Variants in RPGRIP1 observed in about 807,000 individuals in gnomAD.
The protein encoded by RPGRIP1 is X-linked retinitis pigmentosa GTPase regulator-interacting protein 1.
RPGRIP1 carries 128 observed loss-of-function variants against 157.9 expected under a neutral mutation model. The observed-to-expected ratio is 0.81, with a 90% CI of 0.70 to 0.94. RPGRIP1 has a LOEUF of 0.94. RPGRIP1 is among the 40% of genes least tolerant of loss of function. The pLI, the probability that RPGRIP1 is intolerant of heterozygous loss-of-function variation, is 0.00. For synonymous variants in RPGRIP1, 554 were observed against 571.6 expected (o/e 0.97, Z 0.44); for missense variants, 1,486 against 1,545.8 (o/e 0.96, Z 0.65).
intron 17 of RPGRIP1, among the ~76,000 whole-genome samples, chr14:21,326,788 C>G (rs1883161683): frequency 6.6e-6 from 1 of 152,184 alleles, no homozygotes; most frequent in Admixed American, 6.5e-5. Context: ...TAACACTCCC[C>G]CATCATTCTC....
intron 22 of RPGRIP1, among the ~76,000 whole-genome samples, chr14:21,344,565 A>G (rs1018571891): frequency 3.3e-5 from 5 of 152,200 alleles, no homozygotes; most frequent in African/African-American, 1.2e-4. Context: ...AGGGCATATC[A>G]CAAGTGAAAA....
In RPGRIP1 at chr14:21,334,638, G is replaced by C. The variant is rs2139288249; in HGVS notation, c.3272G>C (p.Ser1091Thr). Residue 1091 changes from serine to threonine, a missense_variant, in exon 21 of 25, where the codon AGT becomes ACT. By Grantham distance (58) the Ser-to-Thr change is moderately conservative. Coordinates refer to ENST00000400017, the MANE Select transcript of RPGRIP1 (RefSeq NM_020366.4). ...KESSEQGSEV[S>T]EAQTTDSDDV... Reference sequence around the variant, plus strand: ...TCCTCTGAACAAGGTTCTGAAGTCAGTGAAGCACAAACTACCGACAGTGAT... The same window carrying C: ...TCCTCTGAACAAGGTTCTGAAGTCACTGAAGCACAAACTACCGACAGTGAT... 1 of 1,609,478 alleles carries C rather than the reference G, an allele frequency of 6.2e-7. No homozygotes were observed. Among genetic ancestry groups the C allele is most frequent in the Non-Finnish European group, 8.5e-7 (1 of 1,178,374 alleles).
At chr14:21,303,944 C>T (rs61376219) in intron 6 of RPGRIP1, among the ~76,000 whole-genome samples, 5,933 of 150,096 alleles carry the variant, frequency 0.04, 243 homozygotes, top group East Asian at 0.25. Flanking sequence ...GCTGAGATAA[C>T]GCCATTGCAC....
chr14:21,315,323 C>T (rs1021554870), intron 10 of RPGRIP1, among the ~76,000 whole-genome samples: 4 of 151,392 alleles, frequency 2.6e-5, no homozygotes, highest in African/African-American at 4.9e-5. Context: ...CTGGCTAACA[C>T]GGTGAAACCC....
chr14:21,319,430 C>T (rs1594197430), intron 11 of RPGRIP1, among the ~76,000 whole-genome samples: 1 of 152,114 alleles, frequency 6.6e-6, no homozygotes, highest in Non-Finnish European at 1.5e-5. Context: ...GTCGTAGTGT[C>T]GTGCGCCTGT....
intron 8 of RPGRIP1, chr14:21,310,973 A>G (rs972168375): frequency 1.1e-4 from 55 of 522,720 alleles, no homozygotes; most frequent in Non-Finnish European, 1.6e-4. Context: ...ATGGTCTTAA[A>G]TATTTGGCCC....
chr14:21,333,122 C>T (rs1189966879), intron 20 of RPGRIP1, among the ~76,000 whole-genome samples: 2 of 152,144 alleles, frequency 1.3e-5, no homozygotes, highest in East Asian at 1.9e-4. Flanking sequence ...AAAACAAAAA[C>T]CTCAAAAGCA....
At chr14:21,286,811 T>C (rs1880315114) in intron 1 of RPGRIP1, among the ~76,000 whole-genome samples, 1 of 151,900 alleles carries the variant, frequency 6.6e-6, no homozygotes, top group South Asian at 2.1e-4. Context: ...TGTACAAATC[T>C]GAAGCTGGAG....
chr14:21,348,431 CT>C, intron 24 of RPGRIP1, 129 bp downstream of exon 24: 2 of 705,740 alleles, frequency 2.8e-6, no homozygotes, highest in Non-Finnish European at 4.4e-6. Flanking sequence ...AATCTTATCC[CT>C]ACAACTGTAT....
At chr14:21,305,780 G>A (rs966344588) in intron 6 of RPGRIP1, among the ~76,000 whole-genome samples, 1 of 152,122 alleles carries the variant, frequency 6.6e-6, no homozygotes, top group Admixed American at 6.6e-5. Flanking sequence ...CGAATAGCTT[G>A]AACCCGAGAG....
In RPGRIP1 at chr14:21,301,244, T is replaced by C; in HGVS notation, c.490+7T>C. ...CCGGAGAAACCCAAGAGGGGTGAGA[T>C]TTAAGGCTACATCCCCTACAGGGCT... On this transcript the variant is annotated splice_region_variant and intron_variant, in intron 4 of 24. Coordinates refer to ENST00000400017, the MANE Select transcript of RPGRIP1 (RefSeq NM_020366.4). 1.9e-6 allele frequency: 3 copies of C among 1,578,172 alleles called. No homozygotes were observed. Among genetic ancestry groups the C allele is most frequent in the Non-Finnish European group, 2.6e-6 (3 of 1,162,920 alleles).
chr14:21,309,154 AC>A (rs1881442893), intron 7 of RPGRIP1, among the ~76,000 whole-genome samples: 1 of 152,198 alleles, frequency 6.6e-6, no homozygotes, highest in South Asian at 2.1e-4. Context: ...CTTTCCAAGG[AC>A]CCCTTTTCCT....
At chr14:21,350,366 ACT>A (rs59223085) in intron 24 of RPGRIP1, among the ~76,000 whole-genome samples, 4,824 of 125,160 alleles carry the variant, frequency 0.039, 314 homozygotes, top group African/African-American at 0.14. Context: ...ACAGAACAAG[ACT>A]CTGTCTCCAA....
chr14:21,305,871 C>T (rs1487290973), intron 6 of RPGRIP1, among the ~76,000 whole-genome samples: 1 of 151,784 alleles, frequency 6.6e-6, no homozygotes, highest in Non-Finnish European at 1.5e-5. Context: ...AAAAACAAAA[C>T]AAAACAAAAC....
At chr14:21,319,882 A>G in intron 11 of RPGRIP1, 135 bp from the exon 12 acceptor site, 2 of 890,940 alleles carry the variant, frequency 2.2e-6, no homozygotes, top group Non-Finnish European at 3.4e-6. Context: ...CTCTGTAGAA[A>G]TAATAGAGAA....
In RPGRIP1 at chr14:21,343,292, A is replaced by G. The variant is rs1002369770; in HGVS notation, c.3532+64A>G. 59 of 1,283,598 alleles carry G rather than the reference A, an allele frequency of 4.6e-5. 1 individual carries two copies. In the African/African-American group the frequency reaches 7.0e-4, roughly 15 times the overall value. The allele number at this position is 1,283,598 out of a possible 1,614,324, so 79.5% of individuals were successfully genotyped here. On this transcript the variant is annotated intron_variant, in intron 22 of 24. Transcript: ENST00000400017. Reference sequence around the variant, plus strand: ...GATGAACATTGAGACTGAGGGTCAGAATTACTCTGGATTTTTGTGGGGTGA... The same window carrying G: ...GATGAACATTGAGACTGAGGGTCAGGATTACTCTGGATTTTTGTGGGGTGA...
chr14:21,321,507 G>A, intron 13 of RPGRIP1, 105 bp downstream of exon 13: 3 of 1,505,520 alleles, frequency 2.0e-6, no homozygotes, highest in Non-Finnish European at 8.8e-7. Context: ...CTGATACCAG[G>A]TGATGTGCTA....
At chr14:21,322,935 T>C (rs1044522022) in intron 14 of RPGRIP1, among the ~76,000 whole-genome samples, 3 of 152,200 alleles carry the variant, frequency 2.0e-5, no homozygotes, top group Non-Finnish European at 4.4e-5. Flanking sequence ...GCTTTGTTAT[T>C]ATACCCAGTG....
chr14:21,293,007 G>T (rs1472281688), intron 2 of RPGRIP1, among the ~76,000 whole-genome samples: 1 of 151,982 alleles, frequency 6.6e-6, no homozygotes, highest in Admixed American at 6.6e-5. Flanking sequence ...TTAGCCAGGT[G>T]TGGTGGCAGG....
Sources: allele counts gnomAD v4.1 joint callset (sites outside exome capture counted in the v4.1 genomes callset), GRCh38; gene constraint gnomAD v4.1.1; transcripts MANE v1.5; gene names NCBI Gene and HGNC (gene_info 2026-07-23, HGNC 2026-07-21).